The following ADARB1 variants were observed in gnomAD, a reference collection of about 807,000 sequenced individuals.
ADARB1 encodes adenosine deaminase RNA specific B1.
Under a neutral mutation model 52.4 loss-of-function variants are expected in ADARB1, and 10 were observed. The ratio of observed to expected loss-of-function variants is 0.19; its 90% CI spans 0.12 to 0.32. ADARB1 has a LOEUF of 0.32. Ranked by LOEUF, ADARB1 falls within the 10% of genes least tolerant of loss-of-function variation. The probability of loss-of-function intolerance (pLI) is 1.00; values close to 1 mark genes in which losing one functional copy is unlikely to be tolerated. For synonymous variants in ADARB1, 349 were observed against 371.1 expected (o/e 0.94, Z 0.68); for missense variants, 643 against 922.3 (o/e 0.70, Z 3.92).
At chr21:45,088,144 C>T (rs1019545181) in intron 1 of ADARB1, among the ~76,000 whole-genome samples, 1 of 152,144 alleles carries the variant, frequency 6.6e-6, no homozygotes, top group Non-Finnish European at 1.5e-5. Context: ...TAGGTGTACG[C>T]GTTACATGCA....
In ADARB1 at chr21:45,220,385, C is replaced by A. The variant is rs1047060709; in HGVS notation, c.1748-451C>A. On this transcript the variant is annotated intron_variant, in intron 9 of 10. Coordinates refer to ENST00000348831, the MANE Select transcript of ADARB1 (RefSeq NM_001112.4). The surrounding 1 kb of genome is among the most constrained non-coding windows in gnomAD (Gnocchi z 6.3). ...GCAGGGGAGCACATGCAGGCATGAG[C>A]GCCAGAGGTGGTGTGATACAGGAGC... 6.6e-6 allele frequency among the ~76,000 whole-genome samples: 1 copy of A among 152,186 alleles called. No individual in the cohort carries two copies.
rs559941739 is a variant in ADARB1 at position 45,220,766 on chromosome 21, C to T, written c.1748-70C>T. On this transcript the variant is annotated intron_variant, in intron 9 of 10. Coordinates refer to ENST00000348831, the MANE Select transcript of ADARB1 (RefSeq NM_001112.4). The surrounding 1 kb of genome is among the most constrained non-coding windows in gnomAD (Gnocchi z 6.3). ...GTGGCCATGTCTGAGCACAGTGTGC[C>T]GCCCGTGGCTGCTCCCTCCCTGGGG... 1.3e-4 allele frequency: 197 copies of T among 1,544,444 alleles called. No homozygotes were observed. In the African/African-American group the frequency reaches 2.5e-3, roughly 19 times the overall value.
rs1319565029 is a variant in ADARB1, at chr21:45,184,905, ACT to A, written c.1397-15_1397-14del. 6.3e-7 allele frequency: 1 copy of A among 1,594,234 alleles called. No individual in the cohort carries two copies. The highest frequency in any genetic ancestry group is 8.6e-7 in the Non-Finnish European group (1 of 1,165,236). On this transcript the variant is annotated splice_polypyrimidine_tract_variant and intron_variant, in intron 7 of 10. Coordinates refer to ENST00000348831, the MANE Select transcript of ADARB1 (RefSeq NM_001112.4). ...ATGGTTTACTACCTGTGGGGTTTTAACTCTTTTTCTCTCTTAGAACCAGCAGA... is the reference window on the plus strand; with the variant it reads ...ATGGTTTACTACCTGTGGGGTTTTAACTTTTTCTCTCTTAGAACCAGCAGA...
At chr21:45,144,468 GA>G (rs1018675761) in intron 2 of ADARB1, among the ~76,000 whole-genome samples, 1 of 152,068 alleles carries the variant, frequency 6.6e-6, no homozygotes, top group African/African-American at 2.4e-5. Flanking sequence ...TTAAAGTTGG[GA>G]AAAAAAGAGC....
intron 2 of ADARB1, among the ~76,000 whole-genome samples, chr21:45,139,573 C>G (rs2089595319): frequency 1.3e-5 from 2 of 152,216 alleles, no homozygotes; most frequent in Admixed American, 1.3e-4. Context: ...TGTCTCAACT[C>G]CCATGCTCAG....
intron 1 of ADARB1, among the ~76,000 whole-genome samples, chr21:45,085,341 G>A (rs2086298608): frequency 6.6e-6 from 1 of 152,190 alleles, no homozygotes; most frequent in South Asian, 2.1e-4. Context: ...ACCTCTACAT[G>A]AAGAATGGTG....
intron 1 of ADARB1, among the ~76,000 whole-genome samples, chr21:45,108,700 C>T (rs1181400648): frequency 2.0e-5 from 3 of 151,862 alleles, no homozygotes; most frequent in Non-Finnish European, 2.9e-5. Context: ...TAGGTAGTTT[C>T]CACACTTCGA....
At chr21:45,150,075 G>A (rs1216121759) in intron 2 of ADARB1, among the ~76,000 whole-genome samples, 7 of 152,232 alleles carry the variant, frequency 4.6e-5, no homozygotes, top group Non-Finnish European at 1.0e-4. Context: ...CCTGAGGTCG[G>A]GAGTTCGAGA....
In ADARB1 at chr21:45,225,202, G is replaced by A. The variant is rs1051437; in HGVS notation, c.*3005G>A. 19 of 1,059,364 alleles carry A rather than the reference G, an allele frequency of 1.8e-5. No individual in the cohort carries two copies. Among genetic ancestry groups the A allele is most frequent in the Admixed American group, 1.6e-4 (3 of 18,454 alleles). 65.6% of individuals were successfully genotyped at this position (1,059,364 alleles called of 1,614,324 possible). A position where few individuals can be genotyped will look rare whatever the true frequency, so the allele number is the denominator to read the frequency against. On this transcript the variant is annotated 3_prime_UTR_variant, in exon 11 of 11. Transcript: ENST00000348831. The stretch of plus-strand genomic sequence containing the variant: ...GCTAGTGGGAGGTCTCAGGTGGGGC[G>A]GTGTGTTCTGTGCCATGAGGCAGCG...
rs1051367 is a variant in ADARB1, at chr21:45,222,053, G to A, written c.1962G>A (p.Lys654=). Residue 654 remains lysine, a synonymous_variant, in exon 11 of 11, where the codon AAG becomes AAA. Coordinates refer to ENST00000348831, the MANE Select transcript of ADARB1 (RefSeq NM_001112.4). ...ACTTACTACGCTCCAAGATTACCAAGCCCAACGTGTACCATGAGTCCAAGC... is the reference window on the plus strand; with the variant it reads ...ACTTACTACGCTCCAAGATTACCAAACCCAACGTGTACCATGAGTCCAAGC... ...PSHLLRSKIT[K]PNVYHESKLA... The A allele has an allele frequency of 0.54, 868,330 of 1,612,940 alleles. 235,240 individuals are homozygous for A. The highest frequency in any genetic ancestry group is 0.58 in the East Asian group (26,094 of 44,810).
At chr21:45,148,987 A>T (rs2090147409) in intron 2 of ADARB1, among the ~76,000 whole-genome samples, 1 of 152,160 alleles carries the variant, frequency 6.6e-6, no homozygotes, top group South Asian at 2.1e-4. Flanking sequence ...TTACTGCTGG[A>T]TGCAAACCTG....
At chr21:45,169,881 C>T (rs1013812126) in intron 2 of ADARB1, among the ~76,000 whole-genome samples, 19 of 152,196 alleles carry the variant, frequency 1.2e-4, no homozygotes, top group Non-Finnish European at 1.8e-4. Flanking sequence ...CTCAGTTTGA[C>T]GAGCATGTCC....
At chr21:45,196,977 AG>A (rs1260314502) in intron 8 of ADARB1, among the ~76,000 whole-genome samples, 1 of 152,180 alleles carries the variant, frequency 6.6e-6, no homozygotes, top group African/African-American at 2.4e-5. Flanking sequence ...GGATCGCTTG[AG>A]GTCAGGAGTT....
At chr21:45,191,399 T>C (rs2092277650) in intron 8 of ADARB1, among the ~76,000 whole-genome samples, 1 of 152,240 alleles carries the variant, frequency 6.6e-6, no homozygotes, top group South Asian at 2.1e-4. Flanking sequence ...CTCCATGATG[T>C]ACAGTTTTTC....
intron 2 of ADARB1, among the ~76,000 whole-genome samples, chr21:45,140,706 G>C (rs993785724): frequency 3.3e-5 from 5 of 152,234 alleles, no homozygotes; most frequent in African/African-American, 1.2e-4. Context: ...CTGTTCCCTG[G>C]CTTCATTTTT....
intron 1 of ADARB1, among the ~76,000 whole-genome samples, chr21:45,078,810 G>A (rs967724723): frequency 2.6e-5 from 4 of 152,196 alleles, no homozygotes; most frequent in African/African-American, 9.7e-5. Context: ...GTACCACTCT[G>A]GCTGTTGGGC....
chr21:45,085,403 TAAGCATA>T (rs1357931629), intron 1 of ADARB1, among the ~76,000 whole-genome samples: 2 of 152,232 alleles, frequency 1.3e-5, no homozygotes, highest in African/African-American at 4.8e-5. Flanking sequence ...GGTTTAGACC[TAAGCATA>T]AATAGTGTGA....
At chr21:45,113,635 C>T (rs1183653284) in intron 1 of ADARB1, among the ~76,000 whole-genome samples, 1 of 151,910 alleles carries the variant, frequency 6.6e-6, no homozygotes, top group Non-Finnish European at 1.5e-5. Flanking sequence ...CACCTGTTAA[C>T]AGCCACTAGG....
At chr21:45,102,038 G>T (rs2004829) in intron 1 of ADARB1, among the ~76,000 whole-genome samples, 1 of 152,084 alleles carries the variant, frequency 6.6e-6, no homozygotes, top group African/African-American at 2.4e-5. Flanking sequence ...GGCTACAGGC[G>T]CACTACCACA....
Sources: allele counts gnomAD v4.1 joint callset (sites outside exome capture counted in the v4.1 genomes callset), GRCh38; gene constraint gnomAD v4.1.1; non-coding constraint Gnocchi (gnomAD v3.1); transcripts MANE v1.5; gene names NCBI Gene and HGNC (gene_info 2026-07-23, HGNC 2026-07-21).